HPS5: variants seen among roughly 807,000 people sequenced by gnomAD.
HPS5 encodes BLOC-2 complex member HPS5.
HPS5 carries 83 observed loss-of-function variants against 128.0 expected under a neutral mutation model. That is an observed-to-expected ratio of 0.65 (90% CI 0.54 to 0.78). The LOEUF is 0.78. Ranked by LOEUF, HPS5 falls within the 30% of genes least tolerant of loss-of-function variation. The pLI, the probability that HPS5 is intolerant of heterozygous loss-of-function variation, is 0.00. For missense variants in HPS5, 1,281 were observed against 1,326.2 expected, an observed-to-expected ratio of 0.97 and a Z score of 0.53; for synonymous variants, 475 against 470.2, an observed-to-expected ratio of 1.01 and a Z score of -0.13.
intron 8 of HPS5, among the ~76,000 whole-genome samples, chr11:18,303,844 A>T (rs1862029895): frequency 6.8e-6 from 1 of 147,006 alleles, no homozygotes; most frequent in Non-Finnish European, 1.5e-5. Flanking sequence ...ACAGAGCAAG[A>T]CTCCGTCTCT....
intron 1 of HPS5, among the ~76,000 whole-genome samples, chr11:18,319,655 T>C (rs1122938): frequency 0.037 from 5,631 of 152,236 alleles, 276 homozygotes; most frequent in East Asian, 0.26. Context: ...CAGAAAGGAA[T>C]TGAAGAATTG....
At position 18,282,232 on chromosome 11, in the gene HPS5, C is replaced by G; in HGVS notation, c.3059-12G>C. ...CTCTGGGATCCAACCTAAACACACA[C>G]AGGGAAGTGTCAGTTTGACCACTCT... is the stretch of plus-strand genomic sequence containing the variant. On this transcript the variant is annotated splice_polypyrimidine_tract_variant and intron_variant, in intron 21 of 22. Coordinates refer to ENST00000349215, the MANE Select transcript of HPS5 (RefSeq NM_181507.2). 1.2e-6 allele frequency: 2 copies of G among 1,613,832 alleles called. No individual in the cohort carries two copies. Among genetic ancestry groups the G allele is most frequent in the Middle Eastern group, 1.7e-4 (1 of 5,844 alleles).
In HPS5 at chr11:18,278,680, G is replaced by C. The variant is rs570489441; in HGVS notation, c.*1202C>G. On this transcript the variant is annotated 3_prime_UTR_variant, in exon 23 of 23. Transcript: ENST00000349215. ...ATGCAAAAAAGAGTTGAATTGTTCA[G>C]TGCATCCAACACTTTACTTACTCCA... 18 of 152,332 alleles carry C rather than the reference G, an allele frequency of 1.2e-4. No homozygotes were observed. Among genetic ancestry groups the C allele is most frequent in the African/African-American group, 4.3e-4 (18 of 41,582 alleles). The allele number at this position is 152,332 out of a possible 1,614,324, so 9.4% of individuals were successfully genotyped here.
intron 14 of HPS5, among the ~76,000 whole-genome samples, chr11:18,293,281 G>A (rs979521289): frequency 2.0e-5 from 3 of 151,944 alleles, no homozygotes; most frequent in African/African-American, 4.8e-5. Flanking sequence ...CCATTCTCCC[G>A]CCTCAGCCTC....
intron 9 of HPS5, among the ~76,000 whole-genome samples, chr11:18,299,290 C>T (rs534045690): frequency 2.0e-5 from 3 of 152,268 alleles, no homozygotes; most frequent in Admixed American, 6.5e-5. Context: ...CTATAAGGTT[C>T]GAGTGTTACA....
At chr11:18,300,322 A>G (rs1861545528) in intron 9 of HPS5, among the ~76,000 whole-genome samples, 1 of 152,190 alleles carries the variant, frequency 6.6e-6, no homozygotes, top group Non-Finnish European at 1.5e-5. Context: ...TAAATAGCTG[A>G]ATGCAAATTC....
chr11:18,291,085 G>A (rs1002396569), intron 16 of HPS5, among the ~76,000 whole-genome samples: 1 of 152,182 alleles, frequency 6.6e-6, no homozygotes, highest in Non-Finnish European at 1.5e-5. Context: ...GGGCGTGGTG[G>A]TGCACGCCTG....
chr11:18,301,655 G>C (rs913685253), intron 8 of HPS5, among the ~76,000 whole-genome samples: 1 of 151,950 alleles, frequency 6.6e-6, no homozygotes, highest in Non-Finnish European at 1.5e-5. Context: ...GTAATATTTT[G>C]ATGTTGTTAG....
At chr11:18,293,032 C>CT (rs10665418) in intron 14 of HPS5, 56 bp from the exon 15 acceptor site, 452 of 1,289,400 alleles carry the variant, frequency 3.5e-4, no homozygotes, top group Non-Finnish European at 4.3e-4. Flanking sequence ...GGGATCAGAG[C>CT]TTTTTTTGAG....
chr11:18,299,256 G>C (rs1564955514), intron 9 of HPS5, among the ~76,000 whole-genome samples: 1 of 152,174 alleles, frequency 6.6e-6, no homozygotes, highest in South Asian at 2.1e-4. Context: ...CATTAAAAGA[G>C]GATAATCTAC....
chr11:18,292,826 T>C, intron 15 of HPS5, 73 bp downstream of exon 15: 1 of 1,116,808 alleles, frequency 9.0e-7, no homozygotes, highest in Non-Finnish European at 1.4e-6. Context: ...ATAAAAAACT[T>C]ACAATATAAT....
chr11:18,291,828 T>C lies in HPS5; in HGVS notation c.2054A>G (p.Asp685Gly), dbSNP rs768114901. The change falls in exon 16 of 23, where the codon GAT becomes GGT. Residue 685 changes from aspartate to glycine, a missense_variant. Asp to Gly is a moderately conservative substitution (Grantham distance 94). Transcript: ENST00000349215. ...CCTTTTTTCTTTTTCATTATCTTCA[T>C]CTAATATTCCCTTTTTTGATTCATT... The part of the protein sequence containing the change: ...LVNESKKGIL[D>G]EDNEKEKRDS... 7 of 1,612,114 alleles carry C rather than the reference T, an allele frequency of 4.3e-6. No homozygotes were observed. The Admixed American group carries it at 1.2e-4, about 27-fold the overall frequency.
At chr11:18,305,797 A>G (rs1309779697) in intron 7 of HPS5, among the ~76,000 whole-genome samples, 6 of 150,274 alleles carry the variant, frequency 4.0e-5, no homozygotes, top group East Asian at 2.0e-4. Context: ...CAGTGGCACA[A>G]TCTTGGCTCA....
Position 18,287,933 on chromosome 11 carries a change from C to A in HPS5, c.2521G>T (p.Val841Phe), listed in dbSNP as rs142090060. 2.9e-4 allele frequency: 461 copies of A among 1,613,932 alleles called. 1 individual carries two copies. The highest frequency in any genetic ancestry group is 3.6e-4 in the Non-Finnish European group (426 of 1,179,998). ...PTRLKLLDDE[V>F]PFDSPLLVVY... ...ACCAACAACGGACTATCAAAAGGAA[C>A]CTCGTCATCTAGTAACTTTAACCTT... The change falls in exon 17 of 23, where the codon GTT becomes TTT. Residue 841 changes from valine to phenylalanine, a missense_variant. Physicochemically the swap from Val to Phe is conservative, Grantham distance 50. Coordinates refer to ENST00000349215, the MANE Select transcript of HPS5 (RefSeq NM_181507.2).
At chr11:18,311,330 T>C (rs948535909) in intron 4 of HPS5, 57 bp downstream of exon 4, 26 of 1,214,694 alleles carry the variant, frequency 2.1e-5, no homozygotes, top group Admixed American at 8.5e-5. Flanking sequence ...AACAAACACA[T>C]GTGTCAATTT....
At chr11:18,305,345 T>C in intron 8 of HPS5, 77 bp downstream of exon 8, 2 of 978,020 alleles carry the variant, frequency 2.0e-6, no homozygotes, top group Non-Finnish European at 3.3e-6. Context: ...CTTAAAAAAC[T>C]ACTTCTGAAC....
chr11:18,305,396 C>CA (rs1386334892), intron 8 of HPS5, 26 bp downstream of exon 8: 2 of 1,468,192 alleles, frequency 1.4e-6, no homozygotes, highest in Non-Finnish European at 1.9e-6. Flanking sequence ...TTTTCCCCCC[C>CA]AGAACTAAGG....
intron 8 of HPS5, among the ~76,000 whole-genome samples, chr11:18,303,923 T>C (rs893212049): frequency 2.7e-5 from 4 of 149,604 alleles, no homozygotes; most frequent in African/African-American, 9.8e-5. Context: ...AGTCAACAAA[T>C]ATTTATTAAG....
At chr11:18,280,672 G>A (rs1564920857) in intron 22 of HPS5, 2 of 667,882 alleles carry the variant, frequency 3.0e-6, no homozygotes, top group East Asian at 2.8e-5. Flanking sequence ...TAAACAAAAG[G>A]TGGCATATAT....
Sources: allele counts gnomAD v4.1 joint callset (sites outside exome capture counted in the v4.1 genomes callset), GRCh38; gene constraint gnomAD v4.1.1; transcripts MANE v1.5; gene names NCBI Gene and HGNC (gene_info 2026-07-23, HGNC 2026-07-21).